PRELID2: variants seen among roughly 807,000 people sequenced by gnomAD.
PRELID2 encodes the protein PRELI domain-containing protein 2.
A neutral mutation model predicts 28.4 loss-of-function variants in PRELID2; 25 were observed. The ratio of observed to expected loss-of-function variants is 0.88; its 90% CI spans 0.64 to 1.23. PRELID2 has a LOEUF of 1.23. PRELID2 is among the 50% of genes most tolerant of loss of function. The pLI is 0.00. For synonymous variants in PRELID2, 76 were observed against 71.6 expected (o/e 1.06, Z -0.31); for missense variants, 201 against 214.4 (o/e 0.94, Z 0.39).
chr5:145,697,745 T>C (rs531458746), intron 1 of PRELID2, among the ~76,000 whole-genome samples: 2 of 152,288 alleles, frequency 1.3e-5, no homozygotes, highest in African/African-American at 2.4e-5. Context: ...GAAAAGTCTC[T>C]TGGGTGTGGT....
chr5:145,750,911 T>C (rs891039863), intron 1 of PRELID2, among the ~76,000 whole-genome samples: 2 of 152,198 alleles, frequency 1.3e-5, no homozygotes, highest in Admixed American at 1.3e-4. Context: ...AGACTAATTA[T>C]ACCAATTCCC....
the PRELID2 span, among the ~76,000 whole-genome samples, chr5:145,292,015 A>T: frequency 6.6e-6 from 1 of 151,958 alleles, no homozygotes; most frequent in Non-Finnish European, 1.5e-5. Flanking sequence ...TCCTTTCATA[A>T]TTTTTTTATG....
the PRELID2 span, among the ~76,000 whole-genome samples, chr5:145,327,560 A>C: frequency 1.3e-4 from 20 of 152,160 alleles, no homozygotes; most frequent in Admixed American, 1.2e-3. Flanking sequence ...TTGTCTTTTA[A>C]TTCATTCTGT....
the PRELID2 span, among the ~76,000 whole-genome samples, chr5:145,236,649 A>G: frequency 6.6e-6 from 1 of 152,252 alleles, no homozygotes; most frequent in East Asian, 1.9e-4. Context: ...AGATGTCTGC[A>G]TAGTTGACTC....
chr5:145,458,277 A>G, the PRELID2 span, among the ~76,000 whole-genome samples: 1 of 152,224 alleles, frequency 6.6e-6, no homozygotes, highest in Non-Finnish European at 1.5e-5. Flanking sequence ...CTGGTCAACA[A>G]TGAGAAAATA....
At chr5:145,265,471 T>C in the PRELID2 span, among the ~76,000 whole-genome samples, 1 of 151,830 alleles carries the variant, frequency 6.6e-6, no homozygotes, top group African/African-American at 2.4e-5. Flanking sequence ...AAAACAATCA[T>C]AAAATTCATA....
At chr5:145,588,977 T>A (rs1753190640) in intron 1 of PRELID2, among the ~76,000 whole-genome samples, 1 of 152,158 alleles carries the variant, frequency 6.6e-6, no homozygotes. Flanking sequence ...AGAAAATAAG[T>A]ATCTATAATC....
intron 1 of PRELID2, among the ~76,000 whole-genome samples, chr5:145,663,945 A>AT (rs1754541196): frequency 6.6e-6 from 1 of 152,068 alleles, no homozygotes; most frequent in Admixed American, 6.6e-5. Context: ...TCCTCAAGGC[A>AT]TTTTCCATAC....
chr5:145,456,042 T>G, the PRELID2 span, among the ~76,000 whole-genome samples: 6 of 152,326 alleles, frequency 3.9e-5, no homozygotes, highest in East Asian at 7.7e-4. Flanking sequence ...ATATCTTACC[T>G]TGGTCTCAAG....
intron 1 of PRELID2, among the ~76,000 whole-genome samples, chr5:145,572,216 T>A (rs1380392938): frequency 6.6e-6 from 1 of 152,180 alleles, no homozygotes; most frequent in Non-Finnish European, 1.5e-5. Context: ...CCACTACTAG[T>A]TGTCCTGTCT....
At chr5:145,467,939 T>A (rs923245644), downstream of PRELID2, among the ~76,000 whole-genome samples, 1 of 152,052 alleles carries the variant, frequency 6.6e-6, no homozygotes, top group African/African-American at 2.4e-5. Flanking sequence ...TATTATACTT[T>A]AAGTTCTAGG....
chr5:145,582,407 C>T (rs1475720989), intron 1 of PRELID2, among the ~76,000 whole-genome samples: 2 of 151,968 alleles, frequency 1.3e-5, no homozygotes. Context: ...AACCAGATCT[C>T]ATGAGAATTT....
chr5:145,426,845 A>G, the PRELID2 span, among the ~76,000 whole-genome samples: 2 of 152,202 alleles, frequency 1.3e-5, no homozygotes, highest in African/African-American at 4.8e-5. Flanking sequence ...AAGAGGGAAG[A>G]AAATAAATTT....
the PRELID2 span, among the ~76,000 whole-genome samples, chr5:145,334,299 T>C: frequency 1.3e-5 from 2 of 152,230 alleles, no homozygotes; most frequent in Non-Finnish European, 2.9e-5. Context: ...TAAATATCTG[T>C]TTTAATTTGA....
In PRELID2 at chr5:145,801,632, G is replaced by A. The variant is rs1753149636; in HGVS notation, c.369-5085C>T. Among the ~76,000 whole-genome samples the A allele has an allele frequency of 4.6e-5, 7 of 152,112 alleles. No homozygotes were observed. In the South Asian group the frequency reaches 1.5e-3, roughly 32 times the overall value. On this transcript the variant is annotated intron_variant, in intron 4 of 6. Transcript: ENST00000683046. The stretch of plus-strand genomic sequence containing the variant: ...TTATTTTCTCTCTTTTATACAAGAA[G>A]AAACTATGGCAAAGAGATGTTAAAT...
chr5:145,583,339 C>G (rs147798512), intron 1 of PRELID2, among the ~76,000 whole-genome samples: 1 of 151,964 alleles, frequency 6.6e-6, no homozygotes, highest in African/African-American at 2.4e-5. Context: ...AATATCCTAC[C>G]GATGGGCAAA....
At chr5:145,385,796 A>G in the PRELID2 span, among the ~76,000 whole-genome samples, 1 of 152,166 alleles carries the variant, frequency 6.6e-6, no homozygotes, top group South Asian at 2.1e-4. Context: ...TTCAAGGCCC[A>G]ACTCAAATGC....
chr5:145,560,522 C>T (rs964233605), intron 1 of PRELID2, among the ~76,000 whole-genome samples: 3 of 152,184 alleles, frequency 2.0e-5, no homozygotes, highest in Non-Finnish European at 2.9e-5. Context: ...CCACTATTAC[C>T]TGAGAGGCTT....
At chr5:145,395,465 AG>A in the PRELID2 span, among the ~76,000 whole-genome samples, 1 of 152,158 alleles carries the variant, frequency 6.6e-6, no homozygotes, top group African/African-American at 2.4e-5. Flanking sequence ...CCTCTTCAGA[AG>A]GGTAGCCGGA....
Sources: gnomAD v4.1 joint callset for allele counts (sites outside exome capture counted in the v4.1 genomes callset) on GRCh38, gnomAD v4.1.1 for gene constraint, MANE v1.5 for transcripts, NCBI Gene and HGNC (gene_info 2026-07-23, HGNC 2026-07-21) for gene names.